CHD9: variants seen among roughly 807,000 people sequenced by gnomAD.
CHD9 encodes ATP-dependent chromatin remodeler CHD9.
In CHD9, 77 loss-of-function variants were observed where a neutral mutation model predicts 316.1. The observed-to-expected ratio is 0.24, with a 90% CI of 0.20 to 0.29. The LOEUF (loss-of-function observed/expected upper bound fraction) is 0.29. CHD9 is among the 10% of genes least tolerant of loss of function. The probability of loss-of-function intolerance (pLI) is 1.00; values close to 1 mark genes in which losing one functional copy is unlikely to be tolerated. For missense variants in CHD9, 2,763 were observed against 3,438.1 expected (o/e 0.80, Z 4.91); for synonymous variants, 1,129 against 1,158.3 (o/e 0.97, Z 0.51).
intron 1 of CHD9, among the ~76,000 whole-genome samples, chr16:53,128,278 A>T (rs1343790381): frequency 6.6e-6 from 1 of 151,966 alleles, no homozygotes; most frequent in Non-Finnish European, 1.5e-5. Context: ...TGCCTCCCAG[A>T]TTCAAGCGAT....
rs746795663 is a variant in CHD9, at chr16:53,303,871, A to G, written c.5865A>G (p.Pro1955=). The G allele has an allele frequency of 1.9e-6, 3 of 1,614,016 alleles. No individual in the cohort carries two copies. Among genetic ancestry groups the G allele is most frequent in the Non-Finnish European group, 2.5e-6 (3 of 1,179,886 alleles). Residue 1955 remains proline (P), a synonymous_variant, in exon 31 of 39, where the codon CCA becomes CCG. Coordinates refer to ENST00000447540, the MANE Select transcript of CHD9 (RefSeq NM_001308319.2). The part of the protein sequence containing the change: ...FERLKLCHPN[P]DLPVWWECGP... ...GCTTGAAGCTTTGCCATCCAAATCC[A>G]GATTTACCAGTCTGGTGGGAATGTG...
In CHD9 at chr16:53,324,405, C is replaced by T. The variant is rs200236378; in HGVS notation, c.8204C>T (p.Thr2735Met). The T allele has an allele frequency of 1.6e-5, 26 of 1,613,854 alleles. No individual in the cohort carries two copies. Among genetic ancestry groups the T allele is most frequent in the Middle Eastern group, 1.6e-4 (1 of 6,062 alleles). The part of the protein sequence containing the change: ...LGMGGLLTKP[T>M]ESGTEDKKGS... Reference sequence around the variant, plus strand: ...ATGGGAGGACTCCTGACAAAGCCTACGGAATCTGGGACAGAAGACAAAAAG... The same window carrying T: ...ATGGGAGGACTCCTGACAAAGCCTATGGAATCTGGGACAGAAGACAAAAAG... Residue 2735 changes from threonine to methionine, a missense_variant, in exon 39 of 39, where the codon ACG (threonine) becomes ATG (methionine). Thr to Met is a moderately conservative substitution (Grantham distance 81, BLOSUM62 -1). Transcript: ENST00000447540.
chr16:53,157,627 A>G (rs1382874810), intron 2 of CHD9, 86 bp downstream of exon 2: 1 of 1,274,926 alleles, frequency 7.8e-7, no homozygotes, highest in Non-Finnish European at 1.1e-6. Context: ...AAACATAGTC[A>G]AGATTTCTCA....
At chr16:53,095,527 C>A (rs2152561606) in intron 1 of CHD9, among the ~76,000 whole-genome samples, 1 of 151,726 alleles carries the variant, frequency 6.6e-6, no homozygotes, top group African/African-American at 2.4e-5. Flanking sequence ...CCAACTTGGG[C>A]AACAGAGCAA....
chr16:53,154,482 T>C (rs1037495522), intron 1 of CHD9, among the ~76,000 whole-genome samples: 6 of 152,230 alleles, frequency 3.9e-5, no homozygotes, highest in African/African-American at 1.4e-4. Flanking sequence ...GATGATACTA[T>C]GCATCTTCTA....
Position 53,273,724 on chromosome 16 carries a change from A to G in CHD9, c.4816A>G (p.Asn1606Asp), listed in dbSNP as rs779584619. Reference protein sequence around the residue: ...IQKAEWLRKYNPEQLLQDEGY... With the variant: ...IQKAEWLRKYDPEQLLQDEGY... ...AAAAGCAGAATGGCTTCGAAAATAT[A>G]ATCCCGAGCAGCTCCTTCAAGATGA... The change falls in exon 23 of 39, where the codon AAT becomes GAT. Residue 1606 changes from asparagine to aspartate, a missense_variant. By Grantham distance (23) the Asn-to-Asp change is conservative. This residue lies in a region of CHD9 where 99 missense variants were observed against 131.6 expected (regional missense o/e 0.75). Transcript: ENST00000447540. 1.1e-5 allele frequency: 18 copies of G among 1,613,630 alleles called. No individual in the cohort carries two copies. The highest frequency in any genetic ancestry group is 1.4e-5 in the Non-Finnish European group (17 of 1,179,662).
chr16:53,139,323 G>A (rs2039933996), intron 1 of CHD9, among the ~76,000 whole-genome samples: 1 of 152,002 alleles, frequency 6.6e-6, no homozygotes, highest in Admixed American at 6.6e-5. Flanking sequence ...GGCAAAGGAA[G>A]GGCCATATTG....
rs781772867 is a variant in CHD9 at position 53,313,049 on chromosome 16, TAATAA to T, written c.7223-1323_7223-1319del. ...TCATACTGCATAGTACATAGCTGCT[TAATAA>T]AATATCTATTAGAAAAATTGATGAA... is the stretch of plus-strand genomic sequence containing the variant. On this transcript the variant is annotated intron_variant, in intron 34 of 38. Coordinates refer to ENST00000447540, the MANE Select transcript of CHD9 (RefSeq NM_001308319.2). 2.6e-5 allele frequency among the ~76,000 whole-genome samples: 4 copies of T among 152,330 alleles called. No homozygotes were observed. In the East Asian group the frequency reaches 5.8e-4, roughly 22 times the overall value.
chr16:53,180,860 G>A (rs969733653), intron 2 of CHD9, among the ~76,000 whole-genome samples: 3 of 150,944 alleles, frequency 2.0e-5, no homozygotes, highest in Non-Finnish European at 4.4e-5. Flanking sequence ...TATTTTTAAT[G>A]GAGACGGGGT....
Position 53,307,662 on chromosome 16 carries a change from A to G in CHD9, c.6781-19A>G. The stretch of plus-strand genomic sequence containing the variant: ...ATCTAATTATTAAAATTACACTTTG[A>G]TGTTGCACGCTTTTCTAGGATCGTG... On this transcript the variant is annotated intron_variant, in intron 32 of 38. Coordinates refer to ENST00000447540, the MANE Select transcript of CHD9 (RefSeq NM_001308319.2). 6.3e-7 allele frequency: 1 copy of G among 1,575,906 alleles called. No homozygotes were observed. The highest frequency in any genetic ancestry group is 8.6e-7 in the Non-Finnish European group (1 of 1,159,732).
chr16:53,114,339 C>T (rs1597032218), intron 1 of CHD9, among the ~76,000 whole-genome samples: 1 of 149,524 alleles, frequency 6.7e-6, no homozygotes, highest in Admixed American at 6.6e-5. Flanking sequence ...CTCACTGCAA[C>T]CTCTGCCTCC....
intron 1 of CHD9, among the ~76,000 whole-genome samples, chr16:53,079,309 A>T (rs1457091701): frequency 6.6e-6 from 1 of 152,166 alleles, no homozygotes; most frequent in Non-Finnish European, 1.5e-5. Flanking sequence ...CCACCCCTAG[A>T]GCTGTATATT....
chr16:53,319,900 C>A, intron 37 of CHD9: 1 of 1,027,100 alleles, frequency 9.7e-7, no homozygotes, highest in Non-Finnish European at 1.3e-6. Flanking sequence ...TCAATAGAAG[C>A]TTAATGAAGG....
At chr16:53,177,770 T>A (rs1409909178) in intron 2 of CHD9, among the ~76,000 whole-genome samples, 1 of 152,240 alleles carries the variant, frequency 6.6e-6, no homozygotes, top group African/African-American at 2.4e-5. Flanking sequence ...AACTATGTTC[T>A]TTCCTTCATC....
intron 7 of CHD9, among the ~76,000 whole-genome samples, chr16:53,228,055 C>T (rs1367371296): frequency 1.3e-5 from 2 of 151,284 alleles, no homozygotes; most frequent in African/African-American, 2.4e-5. Flanking sequence ...CACCATACTC[C>T]AGCCTGGCGA....
intron 1 of CHD9, among the ~76,000 whole-genome samples, chr16:53,107,547 G>A (rs570042945): frequency 4.0e-4 from 61 of 151,172 alleles, no homozygotes; most frequent in African/African-American, 1.4e-3. Context: ...GCCAGGCGTG[G>A]TGGCACATGC....
intron 36 of CHD9, among the ~76,000 whole-genome samples, chr16:53,317,133 C>T (rs1053380915): frequency 1.1e-4 from 15 of 136,942 alleles, no homozygotes; most frequent in African/African-American, 4.2e-4. Flanking sequence ...GAGGCAGAGG[C>T]TGTCATGAGC....
intron 1 of CHD9, among the ~76,000 whole-genome samples, chr16:53,133,703 C>T (rs2039504555): frequency 6.6e-6 from 1 of 152,090 alleles, no homozygotes; most frequent in Non-Finnish European, 1.5e-5. Context: ...AGATAGAAAA[C>T]GGTGTCCATG....
In CHD9 at chr16:53,222,651, A is replaced by C; in HGVS notation, c.1792A>C (p.Ile598Leu). 1 of 1,468,414 alleles carries C rather than the reference A, an allele frequency of 6.8e-7. No homozygotes were observed. The highest frequency in any genetic ancestry group is 9.4e-7 in the Non-Finnish European group (1 of 1,062,450). 91.0% of individuals were successfully genotyped at this position (1,468,414 alleles called of 1,614,324 possible). A position where few individuals can be genotyped will look rare whatever the true frequency, so the allele number is the denominator to read the frequency against. The change falls in exon 4 of 39, where the codon ATT (isoleucine) becomes CTT (leucine). Residue 598 changes from isoleucine to leucine, a missense_variant. Coordinates refer to ENST00000447540, the MANE Select transcript of CHD9 (RefSeq NM_001308319.2). Reference protein sequence around the residue: ...LKEKTKIGKLIITLGKKQKRK... With the variant: ...LKEKTKIGKLLITLGKKQKRK... Reference sequence around the variant, plus strand: ...CTTTTCCTCTTGAAACAGCAAACTCATTATTACATTGGGTAAGAAACAAAA... The same window carrying C: ...CTTTTCCTCTTGAAACAGCAAACTCCTTATTACATTGGGTAAGAAACAAAA...
Sources: gnomAD v4.1 joint callset for allele counts (sites outside exome capture counted in the v4.1 genomes callset) on GRCh38, gnomAD v4.1.1 for gene constraint, gnomAD v4.1.1 regional missense constraint, MANE v1.5 for transcripts, NCBI Gene and HGNC (gene_info 2026-07-23, HGNC 2026-07-21) for gene names.